CBLIF: variants seen among roughly 807,000 people sequenced by gnomAD.
CBLIF encodes the protein gastric intrinsic factor (vitamin B synthesis).
Under a neutral mutation model 44.9 loss-of-function variants are expected in CBLIF, and 24 were observed. The ratio of observed to expected loss-of-function variants is 0.53; its 90% CI spans 0.39 to 0.75. The LOEUF (loss-of-function observed/expected upper bound fraction) is 0.75. Among genes scored for constraint, CBLIF ranks in the 30% least tolerant of loss-of-function variants. The probability of loss-of-function intolerance (pLI) is 0.00; values close to 1 mark genes in which losing one functional copy is unlikely to be tolerated. For synonymous variants in CBLIF, 183 were observed against 190.9 expected, an observed-to-expected ratio of 0.96 and a Z score of 0.34; for missense variants, 481 against 513.0, an observed-to-expected ratio of 0.94 and a Z score of 0.60.
Position 59,842,577 on chromosome 11 carries a change from T to A in CBLIF, c.377A>T (p.Asn126Ile). Residue 126 changes from asparagine (N) to isoleucine (I), a missense_variant, in exon 4 of 9, where the codon AAC becomes ATC. Asn to Ile is a moderately radical substitution (Grantham distance 149). Transcript: ENST00000257248. ...CCCATAGAAGGCTGATGCTTCAGCG[T>A]TGGGGCCTCCGAAGGGGATAGAGAA... ...QMENWAPSSP[N>I]AEASAFYGPS... is the part of the protein sequence containing the mutation. 6.2e-7 allele frequency: 1 copy of A among 1,613,976 alleles called. No individual in the cohort carries two copies. Among genetic ancestry groups the A allele is most frequent in the Non-Finnish European group, 8.5e-7 (1 of 1,179,924 alleles).
At chr11:59,837,033 C>G (rs1189315547) in intron 6 of CBLIF, 141 bp downstream of exon 6, 1 of 728,430 alleles carries the variant, frequency 1.4e-6, no homozygotes, top group Non-Finnish European at 2.5e-6. Flanking sequence ...AGCACACACT[C>G]TTAAGGACTG....
At chr11:59,840,941 A>T in intron 5 of CBLIF, 1 of 577,822 alleles carries the variant, frequency 1.7e-6, no homozygotes, top group African/African-American at 1.9e-5. Flanking sequence ...TTGTTTTCAC[A>T]CTTTACATAG....
chr11:59,830,517 T>TA (rs1866361069), intron 8 of CBLIF, among the ~76,000 whole-genome samples: 1 of 152,036 alleles, frequency 6.6e-6, no homozygotes, highest in South Asian at 2.1e-4. Context: ...ACTTTCTTTT[T>TA]AAAAAAATTC....
At chr11:59,831,909 C>G in intron 7 of CBLIF, 113 bp from the exon 8 acceptor site, 1 of 696,378 alleles carries the variant, frequency 1.4e-6, no homozygotes, top group South Asian at 1.5e-5. Flanking sequence ...TTTTTAGAGA[C>G]AAGGTGTGAC....
intron 5 of CBLIF, among the ~76,000 whole-genome samples, chr11:59,838,905 T>C (rs939365604): frequency 1.3e-5 from 2 of 149,578 alleles, no homozygotes; most frequent in African/African-American, 4.9e-5. Context: ...CTGGAGTGCA[T>C]TGGTGCAATC....
intron 5 of CBLIF, among the ~76,000 whole-genome samples, chr11:59,838,361 T>G (rs1383612622): frequency 1.3e-5 from 2 of 152,154 alleles, no homozygotes; most frequent in Non-Finnish European, 2.9e-5. Flanking sequence ...CATTTCGTGA[T>G]GTGTGATGTG....
At chr11:59,841,110 G>A in intron 5 of CBLIF, 33 bp downstream of exon 5, 16 of 1,543,386 alleles carry the variant, frequency 1.0e-5, no homozygotes, top group Non-Finnish European at 1.4e-5. Context: ...TTATTGGCAG[G>A]AACCCAACCA....
chr11:59,835,394 A>G (rs1040739491), intron 7 of CBLIF, among the ~76,000 whole-genome samples: 14 of 151,866 alleles, frequency 9.2e-5, no homozygotes, highest in Non-Finnish European at 1.5e-5. Flanking sequence ...TCAGCCTCCC[A>G]AAGTGCTGGG....
At position 59,837,445 on chromosome 11, in the gene CBLIF, C is replaced by T. The variant is rs116312952; in HGVS notation, c.694-94G>A. 5.2e-3 allele frequency: 4,743 copies of T among 917,188 alleles called. 77 individuals carry two copies. Among genetic ancestry groups the T allele is most frequent in the African/African-American group, 0.039 (2,395 of 61,226 alleles). 56.8% of individuals were successfully genotyped at this position (917,188 alleles called of 1,614,324 possible). A position where few individuals can be genotyped will look rare whatever the true frequency, so the allele number is the denominator to read the frequency against. ...TTAAGAGATAAACTTGATCACTAAT[C>T]ATGGTGATCACGTAGTCACCCAGAA... On this transcript the variant is annotated intron_variant, in intron 5 of 8. Transcript: ENST00000257248.
intron 5 of CBLIF, among the ~76,000 whole-genome samples, 182 bp from the exon 6 acceptor site, chr11:59,837,533 T>G (rs964916057): frequency 1.3e-5 from 2 of 152,190 alleles, no homozygotes; most frequent in African/African-American, 4.8e-5. Context: ...TCCCCACCAC[T>G]TAGCACAGTG....
chr11:59,834,295 T>C lies in CBLIF; in HGVS notation c.1073+1513A>G, dbSNP rs1400724249. 1.8e-3 allele frequency among the ~76,000 whole-genome samples: 234 copies of C among 133,624 alleles called. 3 individuals carry two copies. The highest frequency in any genetic ancestry group is 6.3e-3 in the African/African-American group (208 of 32,856). The allele number at this position is 133,624 out of a possible 152,430, so 87.7% of individuals were successfully genotyped here. A position where few individuals can be genotyped will look rare whatever the true frequency, so the allele number is the denominator to read the frequency against. On this transcript the variant is annotated intron_variant, in intron 7 of 8. Transcript: ENST00000257248. ...TTCTTTCTTTCTTTCTTTCTTTCTT[T>C]CTTTCTTTCTTTCTTTCTTCCTTCC...
chr11:59,845,274 C>A, intron 1 of CBLIF, 101 bp downstream of exon 1: 1 of 1,571,780 alleles, frequency 6.4e-7, no homozygotes, highest in Non-Finnish European at 8.7e-7. Flanking sequence ...TTTTGGAATT[C>A]CTATAGTGAT....
chr11:59,843,286 A>G (rs1319754668), intron 2 of CBLIF, 145 bp from the exon 3 acceptor site: 3 of 664,982 alleles, frequency 4.5e-6, no homozygotes, highest in Non-Finnish European at 8.3e-6. Flanking sequence ...CTTTCCAAAG[A>G]AAAAAATATG....
In CBLIF at chr11:59,831,662, T is replaced by C. The variant is rs768988881; in HGVS notation, c.1192+16A>G. On this transcript the variant is annotated intron_variant, in intron 8 of 8. Coordinates refer to ENST00000257248, the MANE Select transcript of CBLIF (RefSeq NM_005142.3). ...CAGACTATGGAAGATAACGCCTATG[T>C]CTTTTCTTCCCTCACCTTCATTCAA... 9.3e-7 allele frequency: 1 copy of C among 1,071,844 alleles called. No individual in the cohort carries two copies. The highest frequency in any genetic ancestry group is 2.4e-5 in the East Asian group (1 of 42,474). 66.4% of individuals were successfully genotyped at this position (1,071,844 alleles called of 1,614,324 possible). A position where few individuals can be genotyped will look rare whatever the true frequency, so the allele number is the denominator to read the frequency against.
rs781676113 is a variant in CBLIF at position 59,831,809 on chromosome 11, T to A, written c.1074-13A>T. On this transcript the variant is annotated splice_polypyrimidine_tract_variant and intron_variant, in intron 7 of 8. Transcript: ENST00000257248. ...TGTGGTTTCAAATCTAAAAAAAAGTTTATATATGATTAACATCTCACTTTA... is the reference window on the plus strand; with the variant it reads ...TGTGGTTTCAAATCTAAAAAAAAGTATATATATGATTAACATCTCACTTTA... 26 of 1,209,724 alleles carry A rather than the reference T, an allele frequency of 2.1e-5. No individual in the cohort carries two copies. The African/African-American group carries it at 3.7e-4, about 17-fold the overall frequency. 74.9% of individuals were successfully genotyped at this position (1,209,724 alleles called of 1,614,324 possible).
rs1354853919 is a variant in CBLIF, at chr11:59,842,423, G to A, written c.511+20C>T. On this transcript the variant is annotated intron_variant, in intron 4 of 8. Coordinates refer to ENST00000257248, the MANE Select transcript of CBLIF (RefSeq NM_005142.3). ...GATGCCTCTGATGTTCCCAGCTCGG[G>A]GTAGTGGTGACCTACTCACCTACAT... is the stretch of plus-strand genomic sequence containing the variant. The A allele has an allele frequency of 1.9e-6, 3 of 1,612,680 alleles. No individual in the cohort carries two copies. Among genetic ancestry groups the A allele is most frequent in the Non-Finnish European group, 2.5e-6 (3 of 1,179,562 alleles).
intron 2 of CBLIF, 123 bp downstream of exon 2, chr11:59,843,756 T>C: frequency 3.9e-6 from 3 of 762,894 alleles, no homozygotes; most frequent in Non-Finnish European, 4.7e-6. Flanking sequence ...TAAGGAAAGG[T>C]GTTTGGGTAG....
At position 59,842,480 on chromosome 11, in the gene CBLIF, G is replaced by A; in HGVS notation, c.474C>T (p.Ala158=). The part of the protein sequence containing the change: ...EATLPIAVRF[A]KTLLANSSPF... ...GAGAGGAGTTGGCCAGCAGGGTCTTGGCAAAGCGGACGGCTATCGGCAAGG... is the reference window on the plus strand; with the variant it reads ...GAGAGGAGTTGGCCAGCAGGGTCTTAGCAAAGCGGACGGCTATCGGCAAGG... The change falls in exon 4 of 9, where the codon GCC becomes GCT. Residue 158 remains alanine (A), a synonymous_variant. Transcript: ENST00000257248. The A allele has an allele frequency of 6.2e-7, 1 of 1,613,872 alleles. No homozygotes were observed.
chr11:59,834,900 C>T (rs1302800878), intron 7 of CBLIF, among the ~76,000 whole-genome samples: 1 of 152,192 alleles, frequency 6.6e-6, no homozygotes, highest in African/African-American at 2.4e-5. Context: ...ATCGTCACTT[C>T]ACACCTCCAT....
Sources: allele counts gnomAD v4.1 joint callset (sites outside exome capture counted in the v4.1 genomes callset), GRCh38; gene constraint gnomAD v4.1.1; transcripts MANE v1.5; gene names NCBI Gene and HGNC (gene_info 2026-07-23, HGNC 2026-07-21).